GBE1: variants seen among roughly 807,000 people sequenced by gnomAD.
GBE1 encodes the protein 1,4-alpha-glucan-branching enzyme.
Under a neutral mutation model 88.8 loss-of-function variants are expected in GBE1, and 70 were observed. The ratio of observed to expected loss-of-function variants is 0.79; its 90% CI spans 0.65 to 0.96. The LOEUF (loss-of-function observed/expected upper bound fraction) is 0.96, where lower values mean the gene tolerates loss of function less well. GBE1 is among the 40% of genes least tolerant of loss of function. The pLI, the probability that GBE1 is intolerant of heterozygous loss-of-function variation, is 0.00. For missense variants in GBE1, 872 were observed against 871.0 expected, an observed-to-expected ratio of 1.00 and a Z score of -0.01; for synonymous variants, 284 against 300.1, an observed-to-expected ratio of 0.95 and a Z score of 0.56.
At chr3:81,491,078 C>A (rs376747179) in intron 15 of GBE1, among the ~76,000 whole-genome samples, 1 of 152,092 alleles carries the variant, frequency 6.6e-6, no homozygotes, top group Non-Finnish European at 1.5e-5. Flanking sequence ...ACACTCCAGC[C>A]GCAGGAGCCT....
rs1333578917 is a variant in GBE1 at position 81,750,545 on chromosome 3, A to ATG, written c.143+10829_143+10830insCA. Among the ~76,000 whole-genome samples the ATG allele has an allele frequency of 1.1e-3, 96 of 87,114 alleles. 3 individuals are homozygous for ATG. Among genetic ancestry groups the ATG allele is most frequent in the Non-Finnish European group, 1.7e-3 (85 of 50,334 alleles). The allele number at this position is 87,114 out of a possible 152,430, so 57.2% of individuals were successfully genotyped here. On this transcript the variant is annotated intron_variant, in intron 1 of 15. Coordinates refer to ENST00000429644, the MANE Select transcript of GBE1 (RefSeq NM_000158.4). The stretch of plus-strand genomic sequence containing the variant: ...CATTCATATATATATATACGTATAT[A>ATG]TATATGTATATATATATGTATATAT...
chr3:81,539,581 A>G (rs546195280), intron 12 of GBE1, among the ~76,000 whole-genome samples: 14 of 152,170 alleles, frequency 9.2e-5, no homozygotes, highest in African/African-American at 7.2e-5. Context: ...AATCCAATGT[A>G]TAACAGATGA....
chr3:81,565,725 T>C (rs951510180), intron 12 of GBE1, among the ~76,000 whole-genome samples: 1 of 152,182 alleles, frequency 6.6e-6, no homozygotes, highest in East Asian at 1.9e-4. Flanking sequence ...TCCACAGGTA[T>C]CACTCATTAC....
chr3:81,691,542 C>T (rs1488695354), intron 2 of GBE1, among the ~76,000 whole-genome samples: 4 of 152,060 alleles, frequency 2.6e-5, no homozygotes. Flanking sequence ...AGGAGGAGGC[C>T]TTGGAGAGGG....
At chr3:81,614,530 G>A (rs1704223591) in intron 7 of GBE1, among the ~76,000 whole-genome samples, 1 of 152,094 alleles carries the variant, frequency 6.6e-6, no homozygotes, top group Non-Finnish European at 1.5e-5. Context: ...GGGGAGTATT[G>A]CTTGAGCCCA....
chr3:81,663,402 C>T (rs1169219394), intron 3 of GBE1, among the ~76,000 whole-genome samples: 1 of 152,052 alleles, frequency 6.6e-6, no homozygotes, highest in Non-Finnish European at 1.5e-5. Flanking sequence ...TCAGCATGCC[C>T]GCAGGCCATA....
intron 14 of GBE1, among the ~76,000 whole-genome samples, chr3:81,508,268 A>G (rs976176413): frequency 6.6e-6 from 1 of 152,172 alleles, no homozygotes; most frequent in African/African-American, 2.4e-5. Context: ...AGAAGATTAT[A>G]TAACTTAAAC....
At chr3:81,497,403 A>G (rs1371853183) in intron 15 of GBE1, among the ~76,000 whole-genome samples, 1 of 152,192 alleles carries the variant, frequency 6.6e-6, no homozygotes, top group Non-Finnish European at 1.5e-5. Context: ...AGCATTTTAC[A>G]GTTTCCAAAA....
chr3:81,497,278 G>A (rs1289128915), intron 15 of GBE1, among the ~76,000 whole-genome samples: 1 of 152,078 alleles, frequency 6.6e-6, no homozygotes, highest in Non-Finnish European at 1.5e-5. Flanking sequence ...CCCAAAGCTG[G>A]GAGAAGGTAT....
At chr3:81,659,278 T>C (rs955927444) in intron 3 of GBE1, among the ~76,000 whole-genome samples, 1 of 152,074 alleles carries the variant, frequency 6.6e-6, no homozygotes, top group Non-Finnish European at 1.5e-5. Context: ...GTCTATGTGG[T>C]AATAAATTCA....
At chr3:81,540,562 G>T (rs1452954037) in intron 12 of GBE1, among the ~76,000 whole-genome samples, 1 of 151,944 alleles carries the variant, frequency 6.6e-6, no homozygotes, top group Admixed American at 6.6e-5. Flanking sequence ...GAATCCAAAG[G>T]GTTGCTAGCT....
intron 14 of GBE1, among the ~76,000 whole-genome samples, chr3:81,515,581 A>T (rs1702787570): frequency 6.6e-6 from 1 of 151,596 alleles, no homozygotes; most frequent in South Asian, 2.1e-4. Flanking sequence ...AAATGAAAAG[A>T]AGAGGGGCAT....
intron 14 of GBE1, among the ~76,000 whole-genome samples, chr3:81,530,475 G>A (rs1317410714): frequency 1.3e-5 from 2 of 151,846 alleles, no homozygotes; most frequent in Non-Finnish European, 2.9e-5. Flanking sequence ...TCCTTGGGAA[G>A]GTTTTCTAAG....
chr3:81,749,414 G>C (rs1237824397), intron 1 of GBE1, among the ~76,000 whole-genome samples: 1 of 151,730 alleles, frequency 6.6e-6, no homozygotes, highest in African/African-American at 2.4e-5. Flanking sequence ...AAACATTACA[G>C]ACATGCAAAC....
intron 3 of GBE1, 101 bp from the exon 4 acceptor site, chr3:81,650,022 T>C (rs1704822689): frequency 1.1e-6 from 1 of 875,732 alleles, no homozygotes; most frequent in Non-Finnish European, 1.8e-6. Context: ...GGAGGACTGA[T>C]CTTAAGAATC....
In GBE1 at chr3:81,663,038, C is replaced by T. The variant is rs192332976; in HGVS notation, c.429+7800G>A. 3.9e-5 allele frequency among the ~76,000 whole-genome samples: 6 copies of T among 152,184 alleles called. No individual in the cohort carries two copies. In the East Asian group the frequency reaches 1.2e-3, roughly 29 times the overall value. On this transcript the variant is annotated intron_variant, in intron 3 of 15. Coordinates refer to ENST00000429644, the MANE Select transcript of GBE1 (RefSeq NM_000158.4). ...CTACATAGTCACAAAGAGTGGAAAA[C>T]TCAAAGATAATTATCGAGCTGATAT...
intron 7 of GBE1, among the ~76,000 whole-genome samples, chr3:81,635,680 T>A (rs1704582007): frequency 6.6e-6 from 1 of 152,166 alleles, no homozygotes; most frequent in Admixed American, 6.6e-5. Context: ...AAAAAGGTCA[T>A]AAACAAAACC....
At chr3:81,591,847 T>C (rs1703882699) in intron 8 of GBE1, among the ~76,000 whole-genome samples, 1 of 152,094 alleles carries the variant, frequency 6.6e-6, no homozygotes, top group African/African-American at 2.4e-5. Context: ...CTAAGTTCTA[T>C]TGATTTTTTT....
At chr3:81,736,903 G>T (rs367723508) in intron 1 of GBE1, among the ~76,000 whole-genome samples, 2 of 152,062 alleles carry the variant, frequency 1.3e-5, no homozygotes, top group Non-Finnish European at 1.5e-5. Context: ...GTTATAAACA[G>T]ATTTACCTTT....
Sources: allele counts gnomAD v4.1 joint callset (sites outside exome capture counted in the v4.1 genomes callset), GRCh38; gene constraint gnomAD v4.1.1; transcripts MANE v1.5; gene names NCBI Gene and HGNC (gene_info 2026-07-23, HGNC 2026-07-21).